NTM: variants seen among roughly 807,000 people sequenced by gnomAD.
NTM encodes the protein IgLON family member 2.
In NTM, 13 loss-of-function variants were observed where a neutral mutation model predicts 42.1. That is an observed-to-expected ratio of 0.31 (90% confidence interval 0.20 to 0.49). The LOEUF is 0.49. Among genes scored for constraint, NTM ranks in the 20% least tolerant of loss-of-function variants. The pLI is 0.99. For missense variants in NTM, 373 were observed against 452.8 expected (o/e 0.82, Z 1.60); for synonymous variants, 187 against 179.2 (o/e 1.04, Z -0.35).
At chr11:131,508,439 A>G (rs914429641) in intron 1 of NTM, among the ~76,000 whole-genome samples, 1 of 148,592 alleles carries the variant, frequency 6.7e-6, no homozygotes, top group African/African-American at 2.5e-5. Context: ...TGTTGGTGGG[A>G]CTGTAAACTA....
At chr11:131,592,206 G>T (rs967976544) in intron 1 of NTM, among the ~76,000 whole-genome samples, 1 of 152,116 alleles carries the variant, frequency 6.6e-6, no homozygotes, top group Non-Finnish European at 1.5e-5. Context: ...AGAATTACTG[G>T]GCTCTGCTAA....
chr11:131,643,316 C>T lies in NTM; in HGVS notation c.83-268248C>T, dbSNP rs73592221. Among the ~76,000 whole-genome samples the T allele has an allele frequency of 8.4e-3, 1,272 of 152,314 alleles. 16 individuals are homozygous for T. The highest frequency in any genetic ancestry group is 0.027 in the African/African-American group (1,113 of 41,568). ...TTCCATGTGCCTGCTTTGTTCTGGC[C>T]GTGCCAGTCGTGGCCCAGAGGGCTG... On this transcript the variant is annotated intron_variant, in intron 1 of 8. Transcript: ENST00000683400.
At chr11:132,073,209 T>A (rs529479810) in intron 2 of NTM, among the ~76,000 whole-genome samples, 2 of 152,312 alleles carry the variant, frequency 1.3e-5, no homozygotes, top group South Asian at 4.1e-4. Context: ...AATGGGGACT[T>A]TTCTATTTGT....
intron 4 of NTM, among the ~76,000 whole-genome samples, chr11:132,236,360 T>G (rs2139124315): frequency 6.6e-6 from 1 of 152,298 alleles, no homozygotes; most frequent in African/African-American, 2.4e-5. Flanking sequence ...TAGAAACTAA[T>G]TTTACTTAGA....
At chr11:132,233,141 G>A (rs996180896) in intron 4 of NTM, among the ~76,000 whole-genome samples, 1 of 152,322 alleles carries the variant, frequency 6.6e-6, no homozygotes, top group Admixed American at 6.5e-5. Context: ...GGCCAGACAG[G>A]CACGGGGACT....
At chr11:131,570,190 T>C (rs1179508429) in intron 1 of NTM, among the ~76,000 whole-genome samples, 1 of 152,248 alleles carries the variant, frequency 6.6e-6, no homozygotes, top group East Asian at 1.9e-4. Context: ...AAAGGCAGAT[T>C]CTTGGACCTC....
chr11:132,225,439 T>C (rs1329526454), intron 4 of NTM, among the ~76,000 whole-genome samples: 5 of 152,002 alleles, frequency 3.3e-5, no homozygotes, highest in African/African-American at 1.2e-4. Flanking sequence ...AGCAAGGGCT[T>C]GTATGAAGAG....
chr11:132,276,799 T>G (rs1322013128), intron 4 of NTM, among the ~76,000 whole-genome samples: 1 of 152,154 alleles, frequency 6.6e-6, no homozygotes, highest in Non-Finnish European at 1.5e-5. Context: ...AGCCTCTACC[T>G]GTGCCTTTAT....
intron 2 of NTM, among the ~76,000 whole-genome samples, chr11:131,966,291 C>G (rs925161264): frequency 2.0e-5 from 3 of 152,134 alleles, no homozygotes; most frequent in African/African-American, 7.2e-5. Flanking sequence ...TGAATAGGCA[C>G]TGCTAAAGGA....
intron 1 of NTM, among the ~76,000 whole-genome samples, chr11:131,844,389 T>G (rs2044662918): frequency 6.6e-6 from 1 of 152,172 alleles, no homozygotes; most frequent in South Asian, 2.1e-4. Context: ...AGCTCTGAAA[T>G]GCATTTTGCT....
chr11:132,113,460 C>A (rs554037733), intron 2 of NTM, among the ~76,000 whole-genome samples: 13 of 152,302 alleles, frequency 8.5e-5, no homozygotes, highest in Non-Finnish European at 1.5e-4. Context: ...TCTTTCAGAT[C>A]TGTGTACCCT....
At chr11:131,824,029 G>A (rs867586603) in intron 1 of NTM, among the ~76,000 whole-genome samples, 2 of 152,260 alleles carry the variant, frequency 1.3e-5, no homozygotes, top group East Asian at 1.9e-4. Context: ...TAAGGGAGGC[G>A]GGAGGATAAG....
chr11:132,133,147 C>T (rs2067141894), intron 2 of NTM, among the ~76,000 whole-genome samples: 1 of 152,170 alleles, frequency 6.6e-6, no homozygotes, highest in African/African-American at 2.4e-5. Context: ...GATAAATTAT[C>T]TCCCATGTCT....
chr11:131,461,044 G>A (rs1308925332), intron 1 of NTM, among the ~76,000 whole-genome samples: 1 of 152,202 alleles, frequency 6.6e-6, no homozygotes, highest in Non-Finnish European at 1.5e-5. Flanking sequence ...TCTTCAAATA[G>A]TTTAGATCAT....
chr11:131,894,982 C>T lies in NTM; in HGVS notation c.83-16582C>T, dbSNP rs772182646. 3.3e-5 allele frequency among the ~76,000 whole-genome samples: 5 copies of T among 152,178 alleles called. No individual in the cohort carries two copies. In the South Asian group the frequency reaches 8.3e-4, roughly 25 times the overall value. ...GGGTCTGCCAAGGCTGGCGCTGTGC[C>T]AAGGGGTGTAACTGAAGCTCGACCC... On this transcript the variant is annotated intron_variant, in intron 1 of 8. Transcript: ENST00000683400.
At chr11:131,727,587 T>C (rs2079116553) in intron 1 of NTM, among the ~76,000 whole-genome samples, 1 of 152,178 alleles carries the variant, frequency 6.6e-6, no homozygotes, top group Non-Finnish European at 1.5e-5. Context: ...TTTAAGGTTT[T>C]TGTTCAAAGG....
intron 2 of NTM, among the ~76,000 whole-genome samples, chr11:132,118,216 A>T (rs1251969738): frequency 6.6e-6 from 1 of 151,910 alleles, no homozygotes. Context: ...TAACTTCCCT[A>T]TTCTAAAACT....
chr11:131,672,494 C>G (rs1195896287), intron 1 of NTM, among the ~76,000 whole-genome samples: 1 of 152,196 alleles, frequency 6.6e-6, no homozygotes, highest in Admixed American at 6.5e-5. Flanking sequence ...AGTGCCTCAC[C>G]CTTTCAGTCT....
chr11:132,107,652 G>T (rs2062581149), intron 2 of NTM, among the ~76,000 whole-genome samples: 1 of 152,040 alleles, frequency 6.6e-6, no homozygotes, highest in Non-Finnish European at 1.5e-5. Context: ...TTACTGACAT[G>T]AGCCACTGTG....
Sources: allele counts gnomAD v4.1 joint callset (sites outside exome capture counted in the v4.1 genomes callset), GRCh38; gene constraint gnomAD v4.1.1; transcripts MANE v1.5; gene names NCBI Gene and HGNC (gene_info 2026-07-23, HGNC 2026-07-21).